The following GK5 variants were observed in gnomAD, a reference collection of about 807,000 sequenced individuals.
GK5 encodes glycerol kinase 5, also known as ATP:glycerol 3-phosphotransferase 5.
In GK5, 39 loss-of-function variants were observed where a neutral mutation model predicts 77.3. The ratio of observed to expected loss-of-function variants is 0.50; its 90% CI spans 0.39 to 0.66. The LOEUF is 0.66. GK5 is among the 30% of genes least tolerant of loss of function. GK5 has a pLI of 0.00. For synonymous variants in GK5, 211 were observed against 208.0 expected, an observed-to-expected ratio of 1.01 and a Z score of -0.13; for missense variants, 487 against 633.8, an observed-to-expected ratio of 0.77 and a Z score of 2.49.
intron 5 of GK5, among the ~76,000 whole-genome samples, chr3:142,191,604 G>A (rs1391426433): frequency 1.8e-4 from 28 of 152,010 alleles, no homozygotes; most frequent in African/African-American, 5.8e-4. Context: ...TTGGGAGGCC[G>A]AGGCAGGTGG....
intron 13 of GK5, among the ~76,000 whole-genome samples, 172 bp downstream of exon 13, chr3:142,172,181 A>T (rs1198691100): frequency 1.3e-5 from 2 of 152,182 alleles, no homozygotes; most frequent in Non-Finnish European, 2.9e-5. Flanking sequence ...AAAAATAAGA[A>T]AGATACCATG....
chr3:142,206,774 A>G (rs570329981), intron 3 of GK5, among the ~76,000 whole-genome samples: 1 of 152,298 alleles, frequency 6.6e-6, no homozygotes, highest in Admixed American at 6.5e-5. Context: ...ACCCTATTCA[A>G]TGGGTAAAAT....
chr3:142,173,219 C>T, intron 12 of GK5: 1 of 434,814 alleles, frequency 2.3e-6, no homozygotes, highest in Admixed American at 2.6e-5. Flanking sequence ...AAAAAAACAC[C>T]ACTACACTCT....
intron 1 of GK5, 23 bp from the exon 2 acceptor site, chr3:142,215,715 G>A: frequency 3.3e-6 from 4 of 1,226,788 alleles, no homozygotes; most frequent in Non-Finnish European, 4.8e-6. Flanking sequence ...AGAAGATTTA[G>A]TAAAAACAGC....
intron 1 of GK5, among the ~76,000 whole-genome samples, chr3:142,219,742 G>A (rs1016836997): frequency 7.9e-5 from 12 of 152,190 alleles, no homozygotes; most frequent in South Asian, 6.2e-4. Context: ...TTGGGAGGCC[G>A]AGGTAGGAGA....
intron 12 of GK5, among the ~76,000 whole-genome samples, chr3:142,175,331 T>C (rs1577109612): frequency 6.6e-6 from 1 of 152,190 alleles, no homozygotes; most frequent in South Asian, 2.1e-4. Context: ...GAAGTGGCTG[T>C]CCTAGACTTT....
At position 142,186,211 on chromosome 3, in the gene GK5, A is replaced by T. The variant is rs1401599988; in HGVS notation, c.738T>A (p.Pro246=). Residue 246 remains proline (P), a synonymous_variant, in exon 8 of 16, where the codon CCT becomes CCA. Transcript: ENST00000392993. ...ATTATTACCTTGTGTCCCTCACAGG[A>T]GGTAGGAGAGAAAGTGGTATCGAAA... ...SLISIPLSLL[P]PVRDTSHNFG... is the part of the protein sequence containing the mutation. The T allele has an allele frequency of 3.1e-6, 5 of 1,594,340 alleles. No individual in the cohort carries two copies. Among genetic ancestry groups the T allele is most frequent in the Non-Finnish European group, 4.3e-6 (5 of 1,162,110 alleles).
At position 142,163,743 on chromosome 3, in the gene GK5, C is replaced by A. The variant is rs2063444745; in HGVS notation, c.*1879G>T. 1 of 152,052 alleles carries A rather than the reference C, an allele frequency of 6.6e-6. No homozygotes were observed. Among genetic ancestry groups the A allele is most frequent in the South Asian group, 2.1e-4 (1 of 4,824 alleles). 9.4% of individuals were successfully genotyped at this position (152,052 alleles called of 1,614,324 possible). On this transcript the variant is annotated 3_prime_UTR_variant, in exon 16 of 16. Coordinates refer to ENST00000392993, the MANE Select transcript of GK5 (RefSeq NM_001039547.3). ...GGGTGCAGTGGTTCACGGCTGCAAT[C>A]CCAGCACTTTGGGAGGCCAAGGTGG... is the stretch of plus-strand genomic sequence containing the variant.
chr3:142,197,198 A>G (rs2063947165), intron 5 of GK5, among the ~76,000 whole-genome samples: 1 of 148,672 alleles, frequency 6.7e-6, no homozygotes, highest in African/African-American at 2.5e-5. Flanking sequence ...AAAAAAAGAG[A>G]AAAAAAAAAG....
intron 13 of GK5, among the ~76,000 whole-genome samples, chr3:142,172,002 G>T (rs543306170): frequency 1.3e-5 from 2 of 152,006 alleles, no homozygotes; most frequent in South Asian, 4.2e-4. Flanking sequence ...CTCAATTTTG[G>T]GGTACAACAG....
chr3:142,214,016 G>GT (rs1350309394), intron 2 of GK5, among the ~76,000 whole-genome samples: 1 of 152,074 alleles, frequency 6.6e-6, no homozygotes, highest in Non-Finnish European at 1.5e-5. Context: ...TAGAGACAGG[G>GT]TTTTACCATG....
intron 1 of GK5, among the ~76,000 whole-genome samples, chr3:142,224,471 T>C (rs2064400010): frequency 6.6e-6 from 1 of 152,218 alleles, no homozygotes; most frequent in Non-Finnish European, 1.5e-5. Context: ...TTTTGGTGCA[T>C]TGACAATTGT....
At chr3:142,181,591 A>C (rs765128291) in intron 10 of GK5, 26 bp from the exon 11 acceptor site, 3 of 1,449,234 alleles carry the variant, frequency 2.1e-6, no homozygotes, top group East Asian at 2.3e-5. Context: ...ACGAATGTTA[A>C]GTCAAATATA....
Position 142,172,260 on chromosome 3 carries a change from T to C in GK5, c.1247+93A>G, listed in dbSNP as rs931825855. The C allele has an allele frequency of 2.7e-5, 16 of 598,460 alleles. No homozygotes were observed. In the Admixed American group the frequency reaches 4.0e-4, roughly 15 times the overall value. 37.1% of individuals were successfully genotyped at this position (598,460 alleles called of 1,614,324 possible). On this transcript the variant is annotated intron_variant, in intron 13 of 15. Coordinates refer to ENST00000392993, the MANE Select transcript of GK5 (RefSeq NM_001039547.3). ...TAAGCCAAAAATACAAAGAATTTAA[T>C]TAAAATTAAGAAATTTTCCATTTAG... is the stretch of plus-strand genomic sequence containing the variant.
intron 8 of GK5, 34 bp from the exon 9 acceptor site, chr3:142,186,023 G>T: frequency 6.7e-7 from 1 of 1,502,838 alleles, no homozygotes; most frequent in Non-Finnish European, 9.2e-7. Flanking sequence ...GTTAGTTACA[G>T]CTCTAGAAAT....
chr3:142,204,549 C>T (rs2064074620), intron 4 of GK5, 146 bp downstream of exon 4: 1 of 707,414 alleles, frequency 1.4e-6, no homozygotes. Flanking sequence ...CTTTGATTGG[C>T]TATTATTAAA....
At chr3:142,213,486 T>C (rs778308943) in intron 3 of GK5, 40 bp downstream of exon 3, 3 of 1,162,476 alleles carry the variant, frequency 2.6e-6, no homozygotes, top group African/African-American at 3.0e-5. Context: ...CACTGTGGCA[T>C]GAACCCAGCA....
chr3:142,186,554 T>C (rs1224187688), intron 6 of GK5, 41 bp from the exon 7 acceptor site: 3 of 960,654 alleles, frequency 3.1e-6, no homozygotes, highest in Non-Finnish European at 4.7e-6. Context: ...TATCAGATAG[T>C]ATAAATCAAC....
intron 12 of GK5, among the ~76,000 whole-genome samples, chr3:142,176,084 T>C (rs1462568303): frequency 6.6e-6 from 1 of 152,064 alleles, no homozygotes; most frequent in Non-Finnish European, 1.5e-5. Flanking sequence ...ATAGGTGCTA[T>C]TTAGAGGTTC....
Sources: gnomAD v4.1 joint callset for allele counts (sites outside exome capture counted in the v4.1 genomes callset) on GRCh38, gnomAD v4.1.1 for gene constraint, MANE v1.5 for transcripts, NCBI Gene and HGNC (gene_info 2026-07-23, HGNC 2026-07-21) for gene names.